Variants in VPS13C observed in about 807,000 individuals in gnomAD.
The protein encoded by VPS13C is vacuolar protein sorting 13 homolog C, also known as intermembrane lipid transfer protein VPS13C.
In VPS13C, 358 loss-of-function variants were observed where a neutral mutation model predicts 456.8. The observed-to-expected ratio is 0.78, with a 90% confidence interval of 0.72 to 0.86. The LOEUF is 0.86. VPS13C is among the 40% of genes least tolerant of loss of function. The probability of loss-of-function intolerance (pLI) is 0.00; values close to 1 mark genes in which losing one functional copy is unlikely to be tolerated. For synonymous variants in VPS13C, 1,578 were observed against 1,486.7 expected, an observed-to-expected ratio of 1.06 and a Z score of -1.41; for missense variants, 4,818 against 4,385.4, an observed-to-expected ratio of 1.10 and a Z score of -2.79.
intron 6 of VPS13C, among the ~76,000 whole-genome samples, chr15:62,024,118 C>T (rs553404653): frequency 2.6e-5 from 4 of 152,024 alleles, no homozygotes; most frequent in African/African-American, 9.6e-5. Flanking sequence ...ATCTCCATTC[C>T]CAATGCCATT....
At chr15:62,021,364 C>A (rs2047453784) in intron 8 of VPS13C, among the ~76,000 whole-genome samples, 1 of 151,908 alleles carries the variant, frequency 6.6e-6, no homozygotes, top group South Asian at 2.1e-4. Context: ...CTTAACACTT[C>A]AAAATGCTTC....
At position 61,951,025 on chromosome 15, in the gene VPS13C, C is replaced by T; in HGVS notation, c.4457-1G>A. ...ATGTGAAGAGGTTCCCCTTTAGAGT[C>T]TAAAAGAGAAAAAAGACAAAGTTGA... On this transcript the variant is annotated splice_acceptor_variant, in intron 39 of 84. Transcript: ENST00000644861. LOFTEE classifies it high-confidence loss of function. 1.3e-6 allele frequency: 2 copies of T among 1,574,908 alleles called. No homozygotes were observed. Among genetic ancestry groups the T allele is most frequent in the Non-Finnish European group, 1.7e-6 (2 of 1,161,914 alleles).
intron 66 of VPS13C, among the ~76,000 whole-genome samples, chr15:61,898,902 T>C (rs1180699471): frequency 1.3e-4 from 13 of 100,306 alleles, no homozygotes; most frequent in African/African-American, 4.6e-4. Context: ...TAGCAAACTA[T>C]CTCTCAGACC....
Position 61,969,459 on chromosome 15 carries a change from G to C in VPS13C, c.2758-7C>G. 1 of 1,497,948 alleles carries C rather than the reference G, an allele frequency of 6.7e-7. No homozygotes were observed. Among genetic ancestry groups the C allele is most frequent in the East Asian group, 2.3e-5 (1 of 42,620 alleles). The allele number at this position is 1,497,948 out of a possible 1,614,324, so 92.8% of individuals were successfully genotyped here. On this transcript the variant is annotated splice_polypyrimidine_tract_variant and splice_region_variant and intron_variant, in intron 27 of 84. Coordinates refer to ENST00000644861, the MANE Select transcript of VPS13C (RefSeq NM_020821.3). ...TAGTAAATTCCAAAATCACCTAAAA[G>C]AATTAGAGTCAATGAAAAGTTGATA...
In VPS13C at chr15:61,854,129, A is replaced by C. The variant is rs1170337222; in HGVS notation, c.*328T>G. 2.1e-5 allele frequency: 6 copies of C among 286,308 alleles called. No individual in the cohort carries two copies. In the Admixed American group the frequency reaches 2.7e-4, roughly 13 times the overall value. The allele number at this position is 286,308 out of a possible 1,614,324, so 17.7% of individuals were successfully genotyped here. A position where few individuals can be genotyped will look rare whatever the true frequency, so the allele number is the denominator to read the frequency against. On this transcript the variant is annotated 3_prime_UTR_variant, in exon 85 of 85. Transcript: ENST00000644861. ...CTAAGCTCATTTCTTATTCTTCAGT[A>C]AGGCTTTAATTAAATATAAGCCTAT... is the stretch of plus-strand genomic sequence containing the variant.
At chr15:61,936,787 A>T (rs2044241778) in intron 47 of VPS13C, 37 bp from the exon 48 acceptor site, 2 of 1,531,302 alleles carry the variant, frequency 1.3e-6, no homozygotes, top group Admixed American at 4.2e-5. Flanking sequence ...TCTAAGTAAT[A>T]AAAAAAATGT....
In VPS13C at chr15:61,963,871, T is replaced by C. The variant is rs2045295160; in HGVS notation, c.3295A>G (p.Asn1099Asp). 6.2e-7 allele frequency: 1 copy of C among 1,612,318 alleles called. No individual in the cohort carries two copies. The highest frequency in any genetic ancestry group is 8.5e-7 in the Non-Finnish European group (1 of 1,178,884). Residue 1099 changes from asparagine to aspartate, a missense_variant, in exon 32 of 85, where the codon AAC becomes GAC. Physicochemically the swap from Asn to Asp is conservative, Grantham distance 23. This residue lies in a region of VPS13C where 4,552 missense variants were observed against 4,130.6 expected (regional missense o/e 1.10). Transcript: ENST00000644861. Reference sequence around the variant, plus strand: ...ATTTCGGCGATATTGTTCTTTTCGTTGCAAACAATGACACAGAAAGCATTC... The same window carrying C: ...ATTTCGGCGATATTGTTCTTTTCGTCGCAAACAATGACACAGAAAGCATTC... Reference protein sequence around the residue: ...KLNAFCVIVCNEKNNIAEIKI... With the variant: ...KLNAFCVIVCDEKNNIAEIKI...
Position 61,880,646 on chromosome 15 carries a change from A to G in VPS13C, c.9965T>C (p.Leu3322Pro). ...AATATGGAAATGTTCAAAGAAACTAAGAATTGACATATCAGTCATTGAAGT... is the reference window on the plus strand; with the variant it reads ...AATATGGAAATGTTCAAAGAAACTAGGAATTGACATATCAGTCATTGAAGT... ...METSMTDMSI[L>P]SFFEHFHISP... is the part of the protein sequence containing the mutation. Residue 3322 changes from leucine (L) to proline (P), a missense_variant, in exon 73 of 85, where the codon CTT becomes CCT. This residue lies in a region of VPS13C where 4,552 missense variants were observed against 4,130.6 expected (regional missense o/e 1.10). Transcript: ENST00000644861. 6.3e-7 allele frequency: 1 copy of G among 1,596,742 alleles called. No homozygotes were observed. The highest frequency in any genetic ancestry group is 1.8e-5 in the Admixed American group (1 of 57,142).
intron 67 of VPS13C, among the ~76,000 whole-genome samples, chr15:61,884,513 G>A (rs886969980): frequency 6.6e-6 from 1 of 152,058 alleles, no homozygotes; most frequent in Non-Finnish European, 1.5e-5. Context: ...TTTTTCTGCA[G>A]AGGGTCATAT....
intron 68 of VPS13C, 116 bp downstream of exon 68, chr15:61,884,012 T>A: frequency 1.1e-6 from 1 of 875,368 alleles, no homozygotes; most frequent in Non-Finnish European, 1.6e-6. Flanking sequence ...AAAGTTTATC[T>A]ACCAATAAAT....
intron 35 of VPS13C, among the ~76,000 whole-genome samples, chr15:61,961,198 G>A (rs1053038116): frequency 2.0e-5 from 3 of 151,022 alleles, no homozygotes; most frequent in African/African-American, 7.3e-5. Flanking sequence ...AGACCAGCCT[G>A]GCCAACATGG....
intron 6 of VPS13C, among the ~76,000 whole-genome samples, chr15:62,027,563 A>G (rs1200128915): frequency 6.6e-6 from 1 of 152,136 alleles, no homozygotes; most frequent in Non-Finnish European, 1.5e-5. Flanking sequence ...GTTCCTAGCT[A>G]CAGAAATAAT....
intron 36 of VPS13C, 133 bp downstream of exon 36, chr15:61,959,315 G>A: frequency 4.2e-6 from 3 of 711,252 alleles, no homozygotes; most frequent in Non-Finnish European, 6.4e-6. Context: ...TAATGATCTT[G>A]TTGGACAAAG....
chr15:61,863,551 G>C (rs567532387), intron 81 of VPS13C, 23 bp from the exon 82 acceptor site: 1 of 1,563,360 alleles, frequency 6.4e-7, no homozygotes, highest in South Asian at 1.1e-5. Flanking sequence ...CCAGGCTCTA[G>C]ATTTGGGAAG....
intron 18 of VPS13C, among the ~76,000 whole-genome samples, chr15:61,985,533 A>G (rs1261497003): frequency 6.6e-6 from 1 of 152,202 alleles, no homozygotes; most frequent in Non-Finnish European, 1.5e-5. Context: ...CTAGGATTAA[A>G]GGCGTGAGCC....
chr15:61,927,458 A>T, intron 51 of VPS13C, 138 bp from the exon 52 acceptor site: 1 of 629,122 alleles, frequency 1.6e-6, no homozygotes, highest in East Asian at 2.8e-5. Context: ...TTAATTGGTT[A>T]ATTAATACTA....
chr15:61,989,690 C>T (rs187230853), intron 18 of VPS13C, among the ~76,000 whole-genome samples: 21 of 152,224 alleles, frequency 1.4e-4, no homozygotes, highest in Non-Finnish European at 2.9e-4. Flanking sequence ...CCAGGAAATG[C>T]AAATTAAAAC....
chr15:61,867,082 T>C lies in VPS13C; in HGVS notation c.10863+1577A>G. 3 of 937,572 alleles carry C rather than the reference T, an allele frequency of 3.2e-6. No individual in the cohort carries two copies. Among genetic ancestry groups the C allele is most frequent in the Non-Finnish European group, 3.8e-6 (3 of 786,300 alleles). The allele number at this position is 937,572 out of a possible 1,614,324, so 58.1% of individuals were successfully genotyped here. ...ATTTTTTCTCTAAGATAATAAACCC[T>C]CTCTAAGGATTTAAAAGCAAAAGGT... On this transcript the variant is annotated intron_variant, in intron 81 of 84. Coordinates refer to ENST00000644861, the MANE Select transcript of VPS13C (RefSeq NM_020821.3). This position sits in a 1 kb window ranked among gnomAD's most constrained non-coding sequence, Gnocchi z 5.0.
At chr15:61,880,342 A>G (rs577090501) in intron 73 of VPS13C, among the ~76,000 whole-genome samples, 2 of 152,192 alleles carry the variant, frequency 1.3e-5, no homozygotes, top group South Asian at 2.1e-4. Flanking sequence ...AAGCACTTCT[A>G]CGCTTAATTA....
Sources: allele counts gnomAD v4.1 joint callset (sites outside exome capture counted in the v4.1 genomes callset), GRCh38; gene constraint gnomAD v4.1.1; regional missense constraint gnomAD v4.1.1; non-coding constraint Gnocchi (gnomAD v3.1); transcripts MANE v1.5; gene names NCBI Gene and HGNC (gene_info 2026-07-23, HGNC 2026-07-21).